PRPF4: variants seen among roughly 807,000 people sequenced by gnomAD.
PRPF4 encodes U4/U6 small nuclear ribonucleoprotein Prp4.
Under a neutral mutation model 72.2 loss-of-function variants are expected in PRPF4, and 14 were observed. The observed-to-expected ratio is 0.19, with a 90% CI of 0.13 to 0.30. The LOEUF is 0.30. Among genes scored for constraint, PRPF4 ranks in the 10% least tolerant of loss-of-function variants. PRPF4 has a pLI of 1.00. For missense variants in PRPF4, 478 were observed against 653.9 expected (o/e 0.73, Z 2.93); for synonymous variants, 225 against 232.2 (o/e 0.97, Z 0.28).
Position 113,290,976 on chromosome 9 carries a change from C to T in PRPF4, c.1332C>T (p.Ile444=), listed in dbSNP as rs375678911. ...DLRQRRCVYT[I]PAHQNLVTGV... is the part of the protein sequence containing the mutation. ...GACAGCGGCGTTGCGTCTACACCAT[C>T]CCTGCTCATCAGAACTTAGTGACTG... is the stretch of plus-strand genomic sequence containing the variant. Residue 444 remains isoleucine (I), a synonymous_variant, in exon 13 of 14, where the codon ATC becomes ATT. Coordinates refer to ENST00000374198, the MANE Select transcript of PRPF4 (RefSeq NM_001244926.2). 4.9e-5 allele frequency: 79 copies of T among 1,614,078 alleles called. No homozygotes were observed. Among genetic ancestry groups the T allele is most frequent in the Non-Finnish European group, 6.7e-5 (79 of 1,180,032 alleles).
chr9:113,282,991 A>T, intron 4 of PRPF4, 141 bp from the exon 5 acceptor site: 2 of 1,470,636 alleles, frequency 1.4e-6, no homozygotes, highest in Non-Finnish European at 1.8e-6. Flanking sequence ...AAAAAAATTC[A>T]GTAGAAAGTC....
At position 113,283,378 on chromosome 9, in the gene PRPF4, C is replaced by T; in HGVS notation, c.561-11C>T. On this transcript the variant is annotated splice_polypyrimidine_tract_variant and intron_variant, in intron 5 of 13. Transcript: ENST00000374198. ...CCTGTTGCTCCTGGTGATGGTGTTT[C>T]TGTGTCGCAGGGCAATGAAACGCTT... 1 of 1,614,098 alleles carries T rather than the reference C, an allele frequency of 6.2e-7. No homozygotes were observed. Among genetic ancestry groups the T allele is most frequent in the Non-Finnish European group, 8.5e-7 (1 of 1,180,002 alleles).
intron 2 of PRPF4, among the ~76,000 whole-genome samples, chr9:113,277,758 G>T (rs370739661): frequency 3.9e-5 from 6 of 152,092 alleles, no homozygotes; most frequent in African/African-American, 1.2e-4. Context: ...CCAGCACTTT[G>T]GGAGGCTGAG....
Position 113,280,725 on chromosome 9 carries a change from C to T in PRPF4, c.392+1594C>T, listed in dbSNP as rs148417240. 9.5e-3 allele frequency among the ~76,000 whole-genome samples: 1,441 copies of T among 152,326 alleles called. 19 individuals carry two copies. The highest frequency in any genetic ancestry group is 0.014 in the Middle Eastern group (4 of 294). The stretch of plus-strand genomic sequence containing the variant: ...TTCAGCCTTACTCATGTCTCCCTTC[C>T]CCAATTTACTAGAATAGCCACATTG... On this transcript the variant is annotated intron_variant, in intron 3 of 13. Transcript: ENST00000374198.
At chr9:113,278,200 T>G (rs1232978183) in intron 2 of PRPF4, among the ~76,000 whole-genome samples, 1 of 152,254 alleles carries the variant, frequency 6.6e-6, no homozygotes, top group Non-Finnish European at 1.5e-5. Context: ...ATGTCAGTAA[T>G]GAGAGGTCTA....
At chr9:113,290,610 C>G (rs1564259459) in intron 11 of PRPF4, 22 bp downstream of exon 11, 32 of 1,614,098 alleles carry the variant, frequency 2.0e-5, no homozygotes, top group Non-Finnish European at 2.7e-5. Context: ...CCCATGTAGT[C>G]AGGGGCAGTT....
At chr9:113,277,427 C>T (rs931764299) in intron 2 of PRPF4, among the ~76,000 whole-genome samples, 1 of 151,854 alleles carries the variant, frequency 6.6e-6, no homozygotes, top group Non-Finnish European at 1.5e-5. Context: ...ACTCTCTTGC[C>T]CAGGCTGGAA....
At chr9:113,284,954 G>T (rs954282519) in intron 7 of PRPF4, among the ~76,000 whole-genome samples, 3 of 152,016 alleles carry the variant, frequency 2.0e-5, no homozygotes, top group East Asian at 1.9e-4. Flanking sequence ...TTTTCTGTGG[G>T]ACATGGCTAT....
intron 3 of PRPF4, among the ~76,000 whole-genome samples, chr9:113,280,382 ATC>A (rs1832242607): frequency 6.6e-6 from 1 of 152,266 alleles, no homozygotes; most frequent in South Asian, 2.1e-4. Flanking sequence ...TGATTCCCAA[ATC>A]TCTCACTGCA....
At chr9:113,290,610 CAG>C (rs766587794) in intron 11 of PRPF4, 22 bp downstream of exon 11, 1 of 1,614,098 alleles carries the variant, frequency 6.2e-7, no homozygotes, top group African/African-American at 1.3e-5. Flanking sequence ...CCCATGTAGT[CAG>C]GGGCAGTTCA....
chr9:113,275,858 A>G, intron 1 of PRPF4, 88 bp downstream of exon 1: 1 of 1,556,668 alleles, frequency 6.4e-7, no homozygotes. Flanking sequence ...AAGGAGCGGG[A>G]GAAGGCGGTG....
In PRPF4 at chr9:113,286,098, A is replaced by C. The variant is rs551302907; in HGVS notation, c.750-134A>C. 8.4e-5 allele frequency: 85 copies of C among 1,015,228 alleles called. 1 individual carries two copies. In the South Asian group the frequency reaches 1.2e-3, roughly 15 times the overall value. The allele number at this position is 1,015,228 out of a possible 1,614,324, so 62.9% of individuals were successfully genotyped here. On this transcript the variant is annotated intron_variant, in intron 7 of 13. Transcript: ENST00000374198. ...TTCTTCTATAACCCTTCTAACTATA[A>C]GGCTTTTATTTTTCTGTCAGCCATT...
At position 113,283,449 on chromosome 9, in the gene PRPF4, C is replaced by G. The variant is rs1239782843; in HGVS notation, c.621C>G (p.Thr207=). 2 of 1,613,990 alleles carry G rather than the reference C, an allele frequency of 1.2e-6. No individual in the cohort carries two copies. The highest frequency in any genetic ancestry group is 2.2e-5 in the East Asian group (1 of 44,892). Residue 207 remains threonine, a synonymous_variant, in exon 6 of 14, where the codon ACC becomes ACG. Coordinates refer to ENST00000374198, the MANE Select transcript of PRPF4 (RefSeq NM_001244926.2). ...LHKEIPETTR[T]SQMQELHKSL... ...AGGAGATTCCTGAGACAACAAGGAC[C>G]TCCCAGATGCAAGAGCTGCACAAGT... is the stretch of plus-strand genomic sequence containing the variant.
chr9:113,276,690 C>G lies in PRPF4; in HGVS notation c.170C>G (p.Ala57Gly). The change falls in exon 2 of 14, where the codon GCA becomes GGA. Residue 57 changes from alanine to glycine, a missense_variant. Ala to Gly is a moderately conservative substitution (Grantham distance 60). Transcript: ENST00000374198. ...SGILGKDGLK[A>G]GIEAGNINIT... ...ATTTTGGGGAAAGACGGACTTAAAGCAGGGATCGAAGCTGGAAATATTAAT... is the reference window on the plus strand; with the variant it reads ...ATTTTGGGGAAAGACGGACTTAAAGGAGGGATCGAAGCTGGAAATATTAAT... 1.9e-6 allele frequency: 3 copies of G among 1,613,960 alleles called. No individual in the cohort carries two copies. The highest frequency in any genetic ancestry group is 1.7e-6 in the Non-Finnish European group (2 of 1,179,970).
chr9:113,279,502 T>C (rs1286354173), intron 3 of PRPF4, among the ~76,000 whole-genome samples: 2 of 152,200 alleles, frequency 1.3e-5, no homozygotes, highest in African/African-American at 4.8e-5. Context: ...TGGCTGGGAT[T>C]ACAGGCACCT....
At position 113,286,814 on chromosome 9, in the gene PRPF4, T is replaced by C. The variant is rs113908356; in HGVS notation, c.918T>C (p.Leu306=). ...ASCAADGSVK[L]WSLDSDEPVA... ...GTGCGGCTGATGGCTCTGTGAAGCT[T>C]TGGAGTCTCGACAGGTGAATATCAC... Residue 306 remains leucine, a synonymous_variant, in exon 9 of 14, where the codon CTT becomes CTC. Coordinates refer to ENST00000374198, the MANE Select transcript of PRPF4 (RefSeq NM_001244926.2). 4 of 1,614,084 alleles carry C rather than the reference T, an allele frequency of 2.5e-6. No homozygotes were observed. Among genetic ancestry groups the C allele is most frequent in the African/African-American group, 1.3e-5 (1 of 74,942 alleles).
intron 9 of PRPF4, 140 bp downstream of exon 9, chr9:113,286,968 C>A: frequency 7.9e-7 from 1 of 1,267,044 alleles, no homozygotes; most frequent in Non-Finnish European, 1.1e-6. Flanking sequence ...AGGAGAATTG[C>A]TTAAACCCGG....
Position 113,284,456 on chromosome 9 carries a change from T to A in PRPF4, c.749+67T>A. On this transcript the variant is annotated intron_variant, in intron 7 of 13. Coordinates refer to ENST00000374198, the MANE Select transcript of PRPF4 (RefSeq NM_001244926.2). ...ACAGGCTCAGGAAGAAAATTAGCAT[T>A]TGCGTTAGACGTCTATTTCTACGTC... 2.2e-6 allele frequency: 3 copies of A among 1,343,640 alleles called. No homozygotes were observed. The South Asian group carries it at 3.5e-5, about 16-fold the overall frequency. The allele number at this position is 1,343,640 out of a possible 1,614,324, so 83.2% of individuals were successfully genotyped here.
At chr9:113,288,032 T>A in intron 9 of PRPF4, 143 bp from the exon 10 acceptor site, 1 of 659,452 alleles carries the variant, frequency 1.5e-6, no homozygotes, top group South Asian at 2.1e-5. Flanking sequence ...ACTATTTTGC[T>A]TATTGGGCCA....
Sources: allele counts gnomAD v4.1 joint callset (sites outside exome capture counted in the v4.1 genomes callset), GRCh38; gene constraint gnomAD v4.1.1; transcripts MANE v1.5; gene names NCBI Gene and HGNC (gene_info 2026-07-23, HGNC 2026-07-21).